The following ABTB3 variants were observed in gnomAD, a reference collection of about 807,000 sequenced individuals.
ABTB3 encodes ankyrin repeat- and BTB/POZ domain-containing protein 3.
the ABTB3 span, among the ~76,000 whole-genome samples, chr12:107,515,709 A>C: frequency 1.3e-5 from 2 of 152,170 alleles, no homozygotes; most frequent in Non-Finnish European, 2.9e-5. Flanking sequence ...CATGGCTGTC[A>C]AGGGAGAGGC....
the ABTB3 span, among the ~76,000 whole-genome samples, chr12:107,420,839 T>C: frequency 1.3e-5 from 2 of 152,152 alleles, no homozygotes; most frequent in African/African-American, 2.4e-5. Context: ...TTTAAGTATG[T>C]AGAGGACACT....
At chr12:107,320,791 G>A in the ABTB3 span, among the ~76,000 whole-genome samples, 3 of 152,172 alleles carry the variant, frequency 2.0e-5, no homozygotes, top group Non-Finnish European at 4.4e-5. Flanking sequence ...ATTCCCTCTG[G>A]CAGGGAGCTG....
chr12:107,522,107 G>A, the ABTB3 span, among the ~76,000 whole-genome samples: 10 of 152,018 alleles, frequency 6.6e-5, no homozygotes, highest in East Asian at 1.9e-3. Flanking sequence ...TCGCAGGGTG[G>A]TGGGGTGGGG....
chr12:107,344,083 A>T, the ABTB3 span, among the ~76,000 whole-genome samples: 1 of 152,204 alleles, frequency 6.6e-6, no homozygotes, highest in East Asian at 1.9e-4. Flanking sequence ...TTCCAGTCTC[A>T]AGGTAGCCTC....
the ABTB3 span, among the ~76,000 whole-genome samples, chr12:107,357,934 A>C: frequency 6.6e-6 from 1 of 152,192 alleles, no homozygotes; most frequent in African/African-American, 2.4e-5. Flanking sequence ...ACTATTAAAA[A>C]AATTACATGT....
the ABTB3 span, among the ~76,000 whole-genome samples, chr12:107,465,902 GGA>G: frequency 1.3e-5 from 2 of 152,068 alleles, no homozygotes; most frequent in Non-Finnish European, 2.9e-5. Context: ...CTGCCTCTCG[GGA>G]GTAGTCTTCA....
chr12:107,608,968 T>TAAAATAA, the ABTB3 span, among the ~76,000 whole-genome samples: 2 of 101,858 alleles, frequency 2.0e-5, no homozygotes, highest in African/African-American at 7.7e-5. Flanking sequence ...TAAAATAAAA[T>TAAAATAA]ATAAAATAAA....
the ABTB3 span, among the ~76,000 whole-genome samples, chr12:107,362,074 A>G: frequency 3.3e-5 from 5 of 152,194 alleles, no homozygotes; most frequent in African/African-American, 9.7e-5. Flanking sequence ...GAACTGTGAA[A>G]AAGAAATGTT....
chr12:107,407,815 G>A, the ABTB3 span, among the ~76,000 whole-genome samples: 1 of 152,040 alleles, frequency 6.6e-6, no homozygotes, highest in Non-Finnish European at 1.5e-5. Context: ...ACTCAGGGAG[G>A]TCCTGCGTAT....
At chr12:107,636,201 C>T in the ABTB3 span, among the ~76,000 whole-genome samples, 17 of 152,244 alleles carry the variant, frequency 1.1e-4, no homozygotes, top group East Asian at 1.9e-3. Context: ...TCAGAAGAAA[C>T]CTTTCCATCA....
the ABTB3 span, among the ~76,000 whole-genome samples, chr12:107,477,428 T>G: frequency 6.6e-6 from 1 of 152,216 alleles, no homozygotes; most frequent in Non-Finnish European, 1.5e-5. Context: ...CCCTGCCAGA[T>G]GCATCTTTTG....
chr12:107,480,565 T>A, the ABTB3 span, among the ~76,000 whole-genome samples: 3 of 152,312 alleles, frequency 2.0e-5, no homozygotes, highest in African/African-American at 7.2e-5. Flanking sequence ...CTAAATTCTG[T>A]ATTCATTCTG....
At chr12:107,558,222 T>A in the ABTB3 span, among the ~76,000 whole-genome samples, 2 of 152,176 alleles carry the variant, frequency 1.3e-5, no homozygotes, top group African/African-American at 4.8e-5. Context: ...GGACTGCCCA[T>A]CAGCTCGTTT....
the ABTB3 span, among the ~76,000 whole-genome samples, chr12:107,638,055 TC>T: frequency 6.6e-6 from 1 of 152,170 alleles, no homozygotes; most frequent in African/African-American, 2.4e-5. Context: ...CAGCCTCTTT[TC>T]CCTTTATCTG....
At chr12:107,415,890 G>A in the ABTB3 span, among the ~76,000 whole-genome samples, 1 of 151,998 alleles carries the variant, frequency 6.6e-6, no homozygotes, top group South Asian at 2.1e-4. Flanking sequence ...TTCTTCAGGG[G>A]CTGGTGAGAG....
the ABTB3 span, among the ~76,000 whole-genome samples, chr12:107,562,784 G>C: frequency 6.6e-6 from 1 of 152,290 alleles, no homozygotes; most frequent in East Asian, 1.9e-4. Flanking sequence ...AAAGCACTAG[G>C]AACAGTACCA....
the ABTB3 span, among the ~76,000 whole-genome samples, chr12:107,482,640 T>G: frequency 6.6e-6 from 1 of 151,854 alleles, no homozygotes; most frequent in Admixed American, 6.6e-5. Flanking sequence ...CTGCCCATGA[T>G]CCCCTTCCTG....
At chr12:107,319,615 G>A in the ABTB3 span, 17 of 1,536,554 alleles carry the variant, frequency 1.1e-5, no homozygotes, top group Admixed American at 2.9e-4. Flanking sequence ...ACAGCCGCGT[G>A]GCGCTGCGCA....
chr12:107,577,956 A>T, the ABTB3 span, among the ~76,000 whole-genome samples: 2 of 152,090 alleles, frequency 1.3e-5, no homozygotes, highest in Non-Finnish European at 2.9e-5. Flanking sequence ...GGTTTTAGTC[A>T]CTTCAAACAA....
Sources: gnomAD v4.1 joint callset for allele counts (sites outside exome capture counted in the v4.1 genomes callset) on GRCh38, gnomAD v4.1.1 for gene constraint, MANE v1.5 for transcripts, NCBI Gene and HGNC (gene_info 2026-07-23, HGNC 2026-07-21) for gene names.